Variants in ARK2N observed in about 807,000 individuals in gnomAD.
ARK2N encodes the protein protein ARK2N.
the ARK2N span, chr18:46,262,857 C>A: frequency 6.8e-7 from 1 of 1,462,710 alleles, no homozygotes; most frequent in Non-Finnish European, 9.5e-7. Flanking sequence ...ATAAGTACAA[C>A]TGAGGTCATA....
At chr18:46,216,811 G>C in the ARK2N span, 4 of 504,014 alleles carry the variant, frequency 7.9e-6, no homozygotes, top group Non-Finnish European at 1.4e-5. This position sits in a 1 kb window ranked among gnomAD's most constrained non-coding sequence, Gnocchi z 4.3. Flanking sequence ...AAATTAAAGG[G>C]TTAATGATAG....
At chr18:46,175,049 A>G in the ARK2N span, among the ~76,000 whole-genome samples, 2 of 152,154 alleles carry the variant, frequency 1.3e-5, no homozygotes, top group African/African-American at 4.8e-5. Flanking sequence ...ATGTACACTG[A>G]CGAACCCGTG....
the ARK2N span, among the ~76,000 whole-genome samples, chr18:46,194,530 T>C: frequency 3.3e-5 from 5 of 151,772 alleles, no homozygotes; most frequent in South Asian, 4.2e-4. Flanking sequence ...TGGAGTGCAA[T>C]GGCATGGTCT....
the ARK2N span, among the ~76,000 whole-genome samples, chr18:46,198,208 C>T: frequency 2.0e-5 from 3 of 147,378 alleles, no homozygotes; most frequent in African/African-American, 5.0e-5. Context: ...AGCTGAGGCA[C>T]GAGAATCACA....
chr18:46,227,997 G>A, the ARK2N span, among the ~76,000 whole-genome samples: 2,934 of 152,224 alleles, frequency 0.019, 74 homozygotes, highest in African/African-American at 0.06. Context: ...AATAAATAAT[G>A]TTAGTATGAT....
At chr18:46,207,620 C>T in the ARK2N span, among the ~76,000 whole-genome samples, 1 of 152,018 alleles carries the variant, frequency 6.6e-6, no homozygotes, top group Non-Finnish European at 1.5e-5. Flanking sequence ...GAACTCCTGA[C>T]TTCATGATCC....
At chr18:46,259,188 C>T in the ARK2N span, among the ~76,000 whole-genome samples, 6 of 151,910 alleles carry the variant, frequency 3.9e-5, no homozygotes, top group African/African-American at 1.5e-4. Flanking sequence ...TGCTTATACC[C>T]AAGTAACAAG....
chr18:46,261,217 C>T, the ARK2N span, among the ~76,000 whole-genome samples: 18 of 152,180 alleles, frequency 1.2e-4, no homozygotes, highest in Admixed American at 2.0e-4. Context: ...TGTTTTGCTG[C>T]ACCCGATTTA....
the ARK2N span, among the ~76,000 whole-genome samples, chr18:46,187,383 C>T: frequency 6.6e-6 from 1 of 151,210 alleles, no homozygotes; most frequent in African/African-American, 2.4e-5. Context: ...GCTCTGTCAC[C>T]CGGGCTGGAG....
At chr18:46,205,782 G>A in the ARK2N span, among the ~76,000 whole-genome samples, 13 of 152,276 alleles carry the variant, frequency 8.5e-5, no homozygotes, top group Non-Finnish European at 2.9e-5. Context: ...ATTTAATTCA[G>A]TGGCACAGTC....
the ARK2N span, chr18:46,253,748 C>A: frequency 2.5e-6 from 4 of 1,612,844 alleles, no homozygotes; most frequent in Non-Finnish European, 1.7e-6. Flanking sequence ...GCTGGCAATG[C>A]GCCACTCAAT....
chr18:46,177,295 C>T, the ARK2N span, among the ~76,000 whole-genome samples: 1 of 152,052 alleles, frequency 6.6e-6, no homozygotes, highest in Non-Finnish European at 1.5e-5. Context: ...GTGGCTCACA[C>T]CTCTAATCCC....
At chr18:46,226,299 T>G in the ARK2N span, among the ~76,000 whole-genome samples, 1 of 152,178 alleles carries the variant, frequency 6.6e-6, no homozygotes, top group African/African-American at 2.4e-5. Context: ...AAAAATAGTA[T>G]TTTTCATTGA....
the ARK2N span, among the ~76,000 whole-genome samples, chr18:46,250,468 C>T: frequency 2.2e-5 from 2 of 89,820 alleles, no homozygotes; most frequent in East Asian, 8.1e-4. Flanking sequence ...GCCTAATTCC[C>T]AACATTACTA....
At chr18:46,259,384 C>T in the ARK2N span, among the ~76,000 whole-genome samples, 1 of 151,312 alleles carries the variant, frequency 6.6e-6, no homozygotes, top group African/African-American at 2.4e-5. Context: ...GCTGGGACTA[C>T]AGGCGCATGC....
At chr18:46,212,055 A>G in the ARK2N span, among the ~76,000 whole-genome samples, 1 of 152,172 alleles carries the variant, frequency 6.6e-6, no homozygotes, top group African/African-American at 2.4e-5. Flanking sequence ...TATTCCACTG[A>G]AGGGAGTTTA....
chr18:46,174,118 C>T, the ARK2N span: 1 of 152,792 alleles, frequency 6.5e-6, no homozygotes, highest in Non-Finnish European at 1.5e-5. Flanking sequence ...GTAGAGGCTG[C>T]GGAGGCGGCG....
the ARK2N span, among the ~76,000 whole-genome samples, chr18:46,254,988 T>A: frequency 6.8e-6 from 1 of 146,704 alleles, no homozygotes; most frequent in Admixed American, 7.2e-5. Context: ...AAGAGTGAAG[T>A]TGTGATTTTC....
the ARK2N span, chr18:46,263,008 A>G: frequency 6.2e-7 from 1 of 1,614,158 alleles, no homozygotes; most frequent in Non-Finnish European, 8.5e-7. Flanking sequence ...TGTTAGCACC[A>G]GGCAAACACA....
Sources: gnomAD v4.1 joint callset for allele counts (sites outside exome capture counted in the v4.1 genomes callset) on GRCh38, gnomAD v4.1.1 for gene constraint, Gnocchi (gnomAD v3.1) non-coding constraint, MANE v1.5 for transcripts, NCBI Gene and HGNC (gene_info 2026-07-23, HGNC 2026-07-21) for gene names.